ARHGAP6: variants seen among roughly 807,000 people sequenced by gnomAD.
ARHGAP6 encodes Rho GTPase activating protein 6.
ARHGAP6 carries 16 observed loss-of-function variants against 55.7 expected under a neutral mutation model. That is an observed-to-expected ratio of 0.29 (90% CI 0.19 to 0.44). ARHGAP6 has a LOEUF of 0.44. Ranked by LOEUF, ARHGAP6 falls within the 20% of genes least tolerant of loss-of-function variation. The probability of loss-of-function intolerance (pLI) is 1.00; values close to 1 mark genes in which losing one functional copy is unlikely to be tolerated. For missense variants in ARHGAP6, 698 were observed against 808.9 expected (o/e 0.86, Z 1.66); for synonymous variants, 382 against 360.9 (o/e 1.06, Z -0.66).
intron 2 of ARHGAP6, among the ~76,000 whole-genome samples, chrX:11,248,231 G>T (rs2047377888): frequency 9.0e-6 from 1 of 111,451 alleles, no homozygotes; most frequent in Admixed American, 9.6e-5. Context: ...ACCTGCATTA[G>T]ATAGTGCTTC....
Position 11,278,203 on chromosome X carries a change from G to C in ARHGAP6, c.589-23496C>G, listed in dbSNP as rs748215970. On this transcript the variant is annotated intron_variant, in intron 1 of 12. Transcript: ENST00000337414. The stretch of plus-strand genomic sequence containing the variant: ...CCACACCCTGATTTCTGGAACCTGG[G>C]AATGTGTTACCTTACATGGCAAAAG... Among the ~76,000 whole-genome samples the C allele has an allele frequency of 6.3e-5, 7 of 111,504 alleles. No individual in the cohort carries two copies. In the East Asian group the frequency reaches 2.0e-3, roughly 31 times the overall value.
In ARHGAP6 at chrX:11,525,687, A is replaced by G. The variant is rs73497022; in HGVS notation, c.588+138554T>C. ...ATATTTTATAGTTCAGTCCAAAGAA[A>G]ATGCCCAAATAAAGATGCTAGGAGT... On this transcript the variant is annotated intron_variant, in intron 1 of 12. Transcript: ENST00000337414. Among the ~76,000 whole-genome samples the G allele has an allele frequency of 6.3e-3, 710 of 112,262 alleles. 7 individuals carry two copies. The highest frequency in any genetic ancestry group is 0.022 in the African/African-American group (675 of 30,928).
At chrX:11,379,602 C>T (rs559182418) in intron 1 of ARHGAP6, among the ~76,000 whole-genome samples, 19 of 111,882 alleles carry the variant, frequency 1.7e-4, no homozygotes, top group African/African-American at 6.2e-4. Flanking sequence ...TAACAAATAG[C>T]AATATTTATA....
intron 1 of ARHGAP6, among the ~76,000 whole-genome samples, chrX:11,313,127 G>A (rs1337131322): frequency 1.8e-5 from 2 of 112,559 alleles, no homozygotes; most frequent in East Asian, 5.5e-4. Context: ...AGTGAAGAGA[G>A]GTTAGAACAT....
intron 1 of ARHGAP6, among the ~76,000 whole-genome samples, chrX:11,315,428 G>A (rs2048348713): frequency 1.8e-5 from 2 of 112,146 alleles, no homozygotes; most frequent in Non-Finnish European, 3.8e-5. Flanking sequence ...AGCACAGGCA[G>A]TAATGCTCAC....
chrX:11,411,222 T>TATATATATATATATAA (rs1385399573), intron 1 of ARHGAP6, among the ~76,000 whole-genome samples: 41 of 79,525 alleles, frequency 5.2e-4, no homozygotes, highest in Admixed American at 7.6e-4. Context: ...TATATATATA[T>TATATATATATATATAA]AAAATATACA....
chrX:11,472,360 G>C (rs2050356072), intron 1 of ARHGAP6, among the ~76,000 whole-genome samples: 1 of 112,092 alleles, frequency 8.9e-6, no homozygotes, highest in African/African-American at 3.2e-5. Context: ...GCAATATGAA[G>C]AAAATAAAAT....
chrX:11,584,078 C>G lies in ARHGAP6; in HGVS notation c.588+80163G>C, dbSNP rs1290307425. 1.4e-4 allele frequency among the ~76,000 whole-genome samples: 16 copies of G among 111,958 alleles called. No individual in the cohort carries two copies. In the Admixed American group the frequency reaches 1.5e-3, roughly 11 times the overall value. On this transcript the variant is annotated intron_variant, in intron 1 of 12. Coordinates refer to ENST00000337414, the MANE Select transcript of ARHGAP6 (RefSeq NM_013427.3). Reference sequence around the variant, plus strand: ...AATGACTTTCTGTCTACAAATCCAACTTGTCAATTTAAAGTTTACTGGAAC... The same window carrying G: ...AATGACTTTCTGTCTACAAATCCAAGTTGTCAATTTAAAGTTTACTGGAAC...
intron 1 of ARHGAP6, among the ~76,000 whole-genome samples, chrX:11,402,191 G>T (rs1358482891): frequency 8.9e-6 from 1 of 111,969 alleles, no homozygotes; most frequent in African/African-American, 3.2e-5. Context: ...ATTGCATTGA[G>T]ATTTAGGATC....
intron 1 of ARHGAP6, among the ~76,000 whole-genome samples, chrX:11,270,430 A>T (rs2047678180): frequency 8.9e-6 from 1 of 111,863 alleles, no homozygotes; most frequent in Admixed American, 9.5e-5. Context: ...GGGCACCAGG[A>T]TGAAACAGAG....
At chrX:11,198,969 G>T (rs1323757760) in intron 2 of ARHGAP6, among the ~76,000 whole-genome samples, 5 of 112,166 alleles carry the variant, frequency 4.5e-5, no homozygotes, top group Non-Finnish European at 7.5e-5. Context: ...TTTACCATCT[G>T]TTCATGCATT....
intron 1 of ARHGAP6, among the ~76,000 whole-genome samples, chrX:11,355,290 C>T (rs778006039): frequency 4.4e-5 from 5 of 112,375 alleles, no homozygotes; most frequent in African/African-American, 6.5e-5. Flanking sequence ...CTGGAGGATA[C>T]GCCTTTGAAA....
chrX:11,187,391 C>T (rs1001433988), intron 4 of ARHGAP6, among the ~76,000 whole-genome samples: 4 of 111,184 alleles, frequency 3.6e-5, no homozygotes, highest in East Asian at 2.8e-4. Flanking sequence ...CCTGGACAGA[C>T]GAGAGGGCAT....
At chrX:11,353,687 G>A (rs1279204644) in intron 1 of ARHGAP6, among the ~76,000 whole-genome samples, 1 of 109,620 alleles carries the variant, frequency 9.1e-6, no homozygotes, top group East Asian at 2.9e-4. Context: ...AGGATAAGGA[G>A]TTTGAAATTA....
chrX:11,490,503 G>C (rs956151850), intron 1 of ARHGAP6, among the ~76,000 whole-genome samples: 1 of 111,995 alleles, frequency 8.9e-6, no homozygotes, highest in Non-Finnish European at 1.9e-5. Context: ...CTGAGCAGAC[G>C]ACCCAGTTAA....
At chrX:11,346,933 A>G (rs987849113) in intron 1 of ARHGAP6, among the ~76,000 whole-genome samples, 1 of 100,149 alleles carries the variant, frequency 1.0e-5, no homozygotes, top group Non-Finnish European at 2.0e-5. Flanking sequence ...AAACAAACAA[A>G]CAAACAAACA....
intron 1 of ARHGAP6, among the ~76,000 whole-genome samples, chrX:11,271,425 T>C (rs1462753088): frequency 8.9e-6 from 1 of 112,133 alleles, no homozygotes; most frequent in East Asian, 2.8e-4. Context: ...TTCAATGCTA[T>C]ATTTGGTGAC....
chrX:11,503,958 G>A (rs931705586), intron 1 of ARHGAP6, among the ~76,000 whole-genome samples: 1 of 111,042 alleles, frequency 9.0e-6, no homozygotes, highest in Non-Finnish European at 1.9e-5. Context: ...CTTATACAAT[G>A]TCCCACATAT....
intron 2 of ARHGAP6, among the ~76,000 whole-genome samples, chrX:11,244,322 G>A (rs2047325154): frequency 9.0e-6 from 1 of 111,629 alleles, no homozygotes; most frequent in Admixed American, 9.5e-5. Flanking sequence ...GCAGTCACAG[G>A]CAATACAGAA....
Sources: gnomAD v4.1 joint callset for allele counts (sites outside exome capture counted in the v4.1 genomes callset) on GRCh38, gnomAD v4.1.1 for gene constraint, MANE v1.5 for transcripts, NCBI Gene and HGNC (gene_info 2026-07-23, HGNC 2026-07-21) for gene names.